CFAP299: variants seen among roughly 807,000 people sequenced by gnomAD.
CFAP299 encodes cilia- and flagella-associated protein 299.
In CFAP299, 21 loss-of-function variants were observed where a neutral mutation model predicts 27.0. That is an observed-to-expected ratio of 0.78 (90% CI 0.55 to 1.12). The LOEUF (loss-of-function observed/expected upper bound fraction) is 1.12. Among genes scored for constraint, CFAP299 ranks in the 50% most tolerant of loss-of-function variants. The pLI, the probability that CFAP299 is intolerant of heterozygous loss-of-function variation, is 0.00. For synonymous variants in CFAP299, 104 were observed against 98.1 expected (o/e 1.06, Z -0.36); for missense variants, 310 against 276.6 (o/e 1.12, Z -0.86).
chr4:80,685,552 T>G (rs1054547162), intron 3 of CFAP299, among the ~76,000 whole-genome samples: 8 of 146,838 alleles, frequency 5.4e-5, no homozygotes, highest in African/African-American at 2.0e-4. Context: ...AACTGAACTA[T>G]GCAGGTGCTA....
At chr4:80,496,484 C>T (rs1319005291) in intron 2 of CFAP299, among the ~76,000 whole-genome samples, 2 of 152,182 alleles carry the variant, frequency 1.3e-5, no homozygotes, top group Non-Finnish European at 2.9e-5. Flanking sequence ...GAGATCTCAT[C>T]AGCCTGGCCT....
intron 3 of CFAP299, among the ~76,000 whole-genome samples, chr4:80,794,189 G>T (rs1048681193): frequency 5.3e-5 from 8 of 152,162 alleles, no homozygotes; most frequent in African/African-American, 1.9e-4. Context: ...TTGACTTAAA[G>T]GTAGGAGAAA....
intron 3 of CFAP299, among the ~76,000 whole-genome samples, chr4:80,856,721 C>T (rs1470630920): frequency 6.6e-6 from 1 of 152,074 alleles, no homozygotes; most frequent in Non-Finnish European, 1.5e-5. Flanking sequence ...TGTAGATATG[C>T]AGTGTTATTT....
intron 2 of CFAP299, among the ~76,000 whole-genome samples, chr4:80,556,848 A>G (rs947145928): frequency 2.6e-5 from 4 of 152,060 alleles, no homozygotes; most frequent in African/African-American, 9.7e-5. Context: ...GAGGCCAAGT[A>G]TATCTGTCTC....
At chr4:80,729,414 A>G (rs532608030) in intron 3 of CFAP299, among the ~76,000 whole-genome samples, 5 of 151,968 alleles carry the variant, frequency 3.3e-5, no homozygotes, top group Non-Finnish European at 5.9e-5. Flanking sequence ...CACTTCTAAC[A>G]TATAGATTAT....
chr4:80,799,590 T>A (rs1441037137), intron 3 of CFAP299, among the ~76,000 whole-genome samples: 5 of 61,144 alleles, frequency 8.2e-5, no homozygotes, highest in Non-Finnish European at 1.1e-4. Context: ...AAATATATTA[T>A]ATAAAATATA....
At chr4:80,632,807 G>T (rs1739280210) in intron 3 of CFAP299, among the ~76,000 whole-genome samples, 1 of 151,494 alleles carries the variant, frequency 6.6e-6, no homozygotes, top group Non-Finnish European at 1.5e-5. Flanking sequence ...TTTTCCAGGA[G>T]AACATCAATG....
intron 3 of CFAP299, among the ~76,000 whole-genome samples, chr4:80,765,448 T>A (rs901034520): frequency 2.0e-5 from 3 of 151,988 alleles, no homozygotes; most frequent in Non-Finnish European, 4.4e-5. Context: ...AAGGATGAGC[T>A]CACAATAAAA....
chr4:80,349,923 G>GAATAT (rs1270183223), intron 1 of CFAP299, among the ~76,000 whole-genome samples: 3 of 152,024 alleles, frequency 2.0e-5, no homozygotes, highest in Non-Finnish European at 2.9e-5. Flanking sequence ...AAAAGAGTCA[G>GAATAT]AATATAATTA....
chr4:80,939,356 CTT>C (rs1737079312), intron 4 of CFAP299, among the ~76,000 whole-genome samples: 1 of 152,128 alleles, frequency 6.6e-6, no homozygotes, highest in Admixed American at 6.6e-5. Context: ...TTTCTTCACT[CTT>C]TTTCATTCTT....
rs1338048195 is a variant in CFAP299 at position 80,624,555 on chromosome 4, T to C, written c.333+41372T>C. 3.3e-5 allele frequency among the ~76,000 whole-genome samples: 5 copies of C among 151,120 alleles called. 1 individual carries two copies. The highest frequency in any genetic ancestry group is 6.6e-5 in the Admixed American group (1 of 15,184). ...ATACAATTAAAAAAAGATAAAGGGG[T>C]AAGAAACCTTTTTAGAGAAATGCTA... On this transcript the variant is annotated intron_variant, in intron 3 of 5. Coordinates refer to ENST00000358105, the MANE Select transcript of CFAP299 (RefSeq NM_152770.3).
chr4:80,554,505 G>GTTTTTTTT (rs869288835), intron 2 of CFAP299, among the ~76,000 whole-genome samples: 1 of 108,724 alleles, frequency 9.2e-6, no homozygotes, highest in Admixed American at 9.4e-5. Context: ...TTTTCCACTA[G>GTTTTTTTT]TTTTTTTTTT....
At chr4:80,443,592 C>T (rs545169680) in intron 2 of CFAP299, among the ~76,000 whole-genome samples, 2 of 152,262 alleles carry the variant, frequency 1.3e-5, no homozygotes, top group South Asian at 4.1e-4. Context: ...TGGGCAAAAG[C>T]GGGAAACATT....
chr4:80,902,465 T>C (rs1387694662), intron 4 of CFAP299, among the ~76,000 whole-genome samples: 1 of 117,758 alleles, frequency 8.5e-6, no homozygotes, highest in Non-Finnish European at 1.6e-5. Flanking sequence ...TATACATATA[T>C]GTATATATGT....
At chr4:80,524,402 G>A (rs1037991182) in intron 2 of CFAP299, among the ~76,000 whole-genome samples, 5 of 151,808 alleles carry the variant, frequency 3.3e-5, no homozygotes, top group African/African-American at 7.3e-5. Flanking sequence ...TCTGTGCTGC[G>A]TATTACAGGA....
chr4:80,631,256 A>T (rs922778367), intron 3 of CFAP299, among the ~76,000 whole-genome samples: 2 of 152,004 alleles, frequency 1.3e-5, no homozygotes, highest in African/African-American at 4.8e-5. Flanking sequence ...TTTTATAAGA[A>T]ACATTTGTTG....
At chr4:80,719,217 A>C (rs985832746) in intron 3 of CFAP299, among the ~76,000 whole-genome samples, 1 of 152,144 alleles carries the variant, frequency 6.6e-6, no homozygotes, top group African/African-American at 2.4e-5. Flanking sequence ...TGATGAAATA[A>C]TCTGTACAAA....
rs966815760 is a variant in CFAP299 at position 80,881,798 on chromosome 4, T to A, written c.476+11663T>A. Among the ~76,000 whole-genome samples, 6 of 152,292 alleles carry A rather than the reference T, an allele frequency of 3.9e-5. 1 individual carries two copies. Among genetic ancestry groups the A allele is most frequent in the Admixed American group, 6.5e-5 (1 of 15,298 alleles). On this transcript the variant is annotated intron_variant, in intron 4 of 5. Transcript: ENST00000358105. ...TGAATTGCAAAAGAATTCAAAATAA[T>A]CATCTTAAAGGTGCTCAGTGAGTTA...
chr4:80,362,779 T>A lies in CFAP299; in HGVS notation c.137T>A (p.Val46Glu), dbSNP rs1228723803. ...LEDETLARQL[V>E]ELGYRGTGER... Reference sequence around the variant, plus strand: ...GATGAAACCCTGGCCCGCCAGTTGGTGGAGCTAGGCTACCGAGGGACTGGA... The same window carrying A: ...GATGAAACCCTGGCCCGCCAGTTGGAGGAGCTAGGCTACCGAGGGACTGGA... The change falls in exon 2 of 6, where the codon GTG (valine) becomes GAG (glutamate). Residue 46 changes from valine (V) to glutamate (E), a missense_variant. Physicochemically the swap from Val to Glu is moderately radical, Grantham distance 121 (BLOSUM62 -2). Transcript: ENST00000358105. 1 of 1,608,996 alleles carries A rather than the reference T, an allele frequency of 6.2e-7. No homozygotes were observed. Among genetic ancestry groups the A allele is most frequent in the Non-Finnish European group, 8.5e-7 (1 of 1,178,694 alleles).
Sources: gnomAD v4.1 joint callset for allele counts (sites outside exome capture counted in the v4.1 genomes callset) on GRCh38, gnomAD v4.1.1 for gene constraint, MANE v1.5 for transcripts, NCBI Gene and HGNC (gene_info 2026-07-23, HGNC 2026-07-21) for gene names.